The following AUTS2 variants were observed in gnomAD, a reference collection of about 807,000 sequenced individuals.
AUTS2 encodes the protein autism susceptibility gene 2 protein.
A neutral mutation model predicts 112.4 loss-of-function variants in AUTS2; 17 were observed. The ratio of observed to expected loss-of-function variants is 0.15; its 90% CI spans 0.10 to 0.23. The LOEUF is 0.23. Ranked by LOEUF, AUTS2 falls within the 10% of genes least tolerant of loss-of-function variation. AUTS2 has a pLI of 1.00. For synonymous variants in AUTS2, 751 were observed against 702.7 expected (o/e 1.07, Z -1.09); for missense variants, 1,510 against 1,701.6 (o/e 0.89, Z 1.98).
intron 4 of AUTS2, among the ~76,000 whole-genome samples, chr7:70,393,879 G>A (rs1472357016): frequency 1.3e-5 from 2 of 152,162 alleles, no homozygotes; most frequent in Admixed American, 1.3e-4. Context: ...AAAACAGAGA[G>A]TGAGCCAATG....
Position 70,792,271 on chromosome 7 carries a change from T to A in AUTS2, c.*1275T>A, listed in dbSNP as rs887301223. On this transcript the variant is annotated 3_prime_UTR_variant, in exon 19 of 19. Coordinates refer to ENST00000342771, the MANE Select transcript of AUTS2 (RefSeq NM_015570.4). The stretch of plus-strand genomic sequence containing the variant: ...AAAAAAAGTCTTGTGTGTGAGTGTG[T>A]TTTTTGAGTTTGCATCAATCTTAAT... The A allele has an allele frequency of 6.6e-6, 1 of 152,544 alleles. No individual in the cohort carries two copies. Among genetic ancestry groups the A allele is most frequent in the Non-Finnish European group, 1.5e-5 (1 of 68,006 alleles). The allele number at this position is 152,544 out of a possible 1,614,324, so 9.4% of individuals were successfully genotyped here. A position where few individuals can be genotyped will look rare whatever the true frequency, so the allele number is the denominator to read the frequency against.
chr7:70,151,707 T>C (rs998680964), intron 4 of AUTS2, among the ~76,000 whole-genome samples: 1 of 152,052 alleles, frequency 6.6e-6, no homozygotes, highest in Admixed American at 6.6e-5. Flanking sequence ...CCACCTTGGC[T>C]TCCCAAAGAG....
At chr7:70,102,757 A>G (rs1006093479) in intron 2 of AUTS2, among the ~76,000 whole-genome samples, 12 of 152,044 alleles carry the variant, frequency 7.9e-5, no homozygotes, top group Admixed American at 2.0e-4. Flanking sequence ...TTTTTTTTCC[A>G]TCATTAATTT....
At chr7:70,129,199 A>T (rs1806138507) in intron 3 of AUTS2, among the ~76,000 whole-genome samples, 1 of 152,192 alleles carries the variant, frequency 6.6e-6, no homozygotes, top group Non-Finnish European at 1.5e-5. Context: ...TCTAGTCTCA[A>T]GGCTGGCAGG....
intron 4 of AUTS2, among the ~76,000 whole-genome samples, chr7:70,418,097 G>GTGTGTGTGTGTGTC (rs1174765430): frequency 6.8e-6 from 1 of 147,652 alleles, no homozygotes; most frequent in Non-Finnish European, 1.5e-5. Flanking sequence ...GTGTGTGTGT[G>GTGTGTGTGTGTGTC]TGTGTGTGTG....
intron 2 of AUTS2, among the ~76,000 whole-genome samples, chr7:70,028,302 A>G (rs780791024): frequency 2.6e-5 from 4 of 152,062 alleles, no homozygotes; most frequent in East Asian, 1.9e-4. Flanking sequence ...CCCTATTACT[A>G]TGTCACCCTG....
chr7:70,785,411 G>A (rs753913282), intron 16 of AUTS2: 20 of 490,834 alleles, frequency 4.1e-5, no homozygotes, highest in East Asian at 1.2e-4. Context: ...ACAAGCTGAC[G>A]TTATGGAGAG....
At chr7:70,565,269 G>A (rs1801660984) in intron 5 of AUTS2, among the ~76,000 whole-genome samples, 1 of 152,216 alleles carries the variant, frequency 6.6e-6, no homozygotes, top group Non-Finnish European at 1.5e-5. Flanking sequence ...GGAATGGGTA[G>A]ATGAAATAAG....
At chr7:70,064,306 C>A (rs1267555566) in intron 2 of AUTS2, among the ~76,000 whole-genome samples, 2 of 152,110 alleles carry the variant, frequency 1.3e-5, no homozygotes, top group South Asian at 4.1e-4. Flanking sequence ...AGAGGTTTAC[C>A]CTTTGCTTTG....
chr7:69,731,162 T>C (rs1048502272), intron 1 of AUTS2, among the ~76,000 whole-genome samples: 11 of 152,098 alleles, frequency 7.2e-5, no homozygotes, highest in African/African-American at 2.7e-4. Flanking sequence ...TGTGGTGGTA[T>C]GCACCTTAAG....
chr7:70,217,372 T>C (rs192211571), intron 4 of AUTS2, among the ~76,000 whole-genome samples: 1 of 152,292 alleles, frequency 6.6e-6, no homozygotes, highest in Admixed American at 6.5e-5. Flanking sequence ...AACTGAAGTT[T>C]ACATGTTGAG....
chr7:70,244,204 T>G (rs959542758), intron 4 of AUTS2, among the ~76,000 whole-genome samples: 10 of 152,190 alleles, frequency 6.6e-5, no homozygotes, highest in African/African-American at 2.4e-4. Context: ...GTTTATTTCC[T>G]CACACACTAG....
intron 4 of AUTS2, among the ~76,000 whole-genome samples, chr7:70,143,056 T>C (rs1806945468): frequency 6.6e-6 from 1 of 152,192 alleles, no homozygotes; most frequent in Non-Finnish European, 1.5e-5. Context: ...ATATTTTTGC[T>C]GAAATTGTAA....
At position 69,888,540 on chromosome 7, in the gene AUTS2, G is replaced by GATAGATATATAT. The variant is rs1468555842; in HGVS notation, c.310-10743_310-10742insGATATATATATA. Reference sequence around the variant, plus strand: ...CTTAGGCCCCACCTCCAACATTGGGGATATATATATATATATATATATATA... The same window carrying GATAGATATATAT: ...CTTAGGCCCCACCTCCAACATTGGGGATAGATATATATATATATATATATATATATATATATA... On this transcript the variant is annotated intron_variant, in intron 1 of 18. Coordinates refer to ENST00000342771, the MANE Select transcript of AUTS2 (RefSeq NM_015570.4). Among the ~76,000 whole-genome samples, 16 of 99,232 alleles carry GATAGATATATAT rather than the reference G, an allele frequency of 1.6e-4. 1 individual carries two copies. The highest frequency in any genetic ancestry group is 6.8e-4 in the African/African-American group (16 of 23,456). The allele number at this position is 99,232 out of a possible 152,430, so 65.1% of individuals were successfully genotyped here.
chr7:70,451,827 C>T (rs1405160838), intron 5 of AUTS2, among the ~76,000 whole-genome samples: 1 of 152,114 alleles, frequency 6.6e-6, no homozygotes, highest in South Asian at 2.1e-4. Flanking sequence ...AACAGTAACT[C>T]ACTTATAGCC....
intron 5 of AUTS2, among the ~76,000 whole-genome samples, chr7:70,629,514 G>A (rs1038834478): frequency 6.6e-6 from 1 of 151,770 alleles, no homozygotes; most frequent in South Asian, 2.1e-4. Flanking sequence ...CTAAAAGCCA[G>A]CCCTTCTGTG....
rs543738351 is a variant in AUTS2 at position 69,672,069 on chromosome 7, T to C, written c.309+72107T>C. ...GAACGTAACTTTTCTTTTTCTTTTT[T>C]TTTTTTGGAAATGGAGTTTCATTCT... On this transcript the variant is annotated intron_variant, in intron 1 of 18. Transcript: ENST00000342771. Among the ~76,000 whole-genome samples the C allele has an allele frequency of 1.7e-3, 251 of 151,960 alleles. 10 individuals are homozygous for C. The South Asian group carries it at 0.049, about 30-fold the overall frequency.
At chr7:69,925,865 A>G (rs1409138903) in intron 2 of AUTS2, among the ~76,000 whole-genome samples, 1 of 152,156 alleles carries the variant, frequency 6.6e-6, no homozygotes, top group Non-Finnish European at 1.5e-5. Flanking sequence ...AAGACAGACA[A>G]ACACTTTAAC....
At chr7:70,070,768 A>T (rs1013695045) in intron 2 of AUTS2, among the ~76,000 whole-genome samples, 1 of 151,356 alleles carries the variant, frequency 6.6e-6, no homozygotes, top group African/African-American at 2.4e-5. Flanking sequence ...GCTACTCGGG[A>T]GGCTGAGGCA....
Sources: allele counts gnomAD v4.1 joint callset (sites outside exome capture counted in the v4.1 genomes callset), GRCh38; gene constraint gnomAD v4.1.1; transcripts MANE v1.5; gene names NCBI Gene and HGNC (gene_info 2026-07-23, HGNC 2026-07-21).